The following FARP1 variants were observed in gnomAD, a reference collection of about 807,000 sequenced individuals.
FARP1 encodes the protein FERM, ARH/RhoGEF and pleckstrin domain protein 1.
Under a neutral mutation model 128.8 loss-of-function variants are expected in FARP1, and 52 were observed. The observed-to-expected ratio is 0.40, with a 90% CI of 0.32 to 0.51. The LOEUF (loss-of-function observed/expected upper bound fraction) is 0.51, where lower values mean the gene tolerates loss of function less well. Among genes scored for constraint, FARP1 ranks in the 20% least tolerant of loss-of-function variants. The pLI is 0.45. For missense variants in FARP1, 1,333 were observed against 1,367.9 expected (o/e 0.97, Z 0.40); for synonymous variants, 580 against 551.8 (o/e 1.05, Z -0.72).
intron 1 of FARP1, among the ~76,000 whole-genome samples, chr13:98,172,628 T>C (rs868406183): frequency 2.6e-5 from 4 of 152,198 alleles, no homozygotes; most frequent in African/African-American, 7.2e-5. Context: ...GCAAGTGTTA[T>C]AGTTTTCATA....
At chr13:98,191,173 G>A (rs1258030094) in intron 1 of FARP1, among the ~76,000 whole-genome samples, 1 of 152,126 alleles carries the variant, frequency 6.6e-6, no homozygotes, top group Non-Finnish European at 1.5e-5. Context: ...TCATAATGGT[G>A]CCTGTTTTTC....
chr13:98,213,159 A>G (rs2139325778), intron 1 of FARP1, 61 bp from the exon 2 acceptor site: 1 of 1,421,662 alleles, frequency 7.0e-7, no homozygotes. Flanking sequence ...TCAAGGTGGC[A>G]CACAGCTTGG....
chr13:98,283,017 G>A (rs560420463), intron 2 of FARP1, among the ~76,000 whole-genome samples: 1 of 152,286 alleles, frequency 6.6e-6, no homozygotes. Context: ...CTTAGAAGAT[G>A]CATTTTACTG....
At chr13:98,315,280 C>T (rs1268622662) in intron 2 of FARP1, among the ~76,000 whole-genome samples, 2 of 152,046 alleles carry the variant, frequency 1.3e-5, no homozygotes, top group Non-Finnish European at 2.9e-5. Flanking sequence ...AGCTGTTTAA[C>T]GTTTTTGCTG....
chr13:98,301,671 G>C (rs116472652), intron 2 of FARP1, among the ~76,000 whole-genome samples: 1 of 152,100 alleles, frequency 6.6e-6, no homozygotes, highest in African/African-American at 2.4e-5. Context: ...TGTTTTGATC[G>C]TATAAACCTT....
At chr13:98,244,857 G>T (rs935369471) in intron 2 of FARP1, 1 of 1,447,748 alleles carries the variant, frequency 6.9e-7, no homozygotes, top group Admixed American at 2.6e-5. Context: ...TGTGATCTCA[G>T]ATACGTGAAG....
chr13:98,308,033 C>CT (rs10536692), intron 2 of FARP1, among the ~76,000 whole-genome samples: 1,056 of 16,710 alleles, frequency 0.063, 24 homozygotes, highest in Non-Finnish European at 0.11. Flanking sequence ...CACTCTCTCT[C>CT]TTTTTTTTTT....
At chr13:98,324,006 ATGTC>A (rs1324716494) in intron 2 of FARP1, among the ~76,000 whole-genome samples, 4 of 152,238 alleles carry the variant, frequency 2.6e-5, no homozygotes. Context: ...AACTTGAACT[ATGTC>A]TGAGGAGTTG....
chr13:98,183,627 A>G (rs1878672548), intron 1 of FARP1, among the ~76,000 whole-genome samples: 1 of 152,156 alleles, frequency 6.6e-6, no homozygotes, highest in African/African-American at 2.4e-5. Context: ...TTATTTTTAC[A>G]AACGCACCTT....
intron 2 of FARP1, among the ~76,000 whole-genome samples, chr13:98,224,871 C>T (rs1881668293): frequency 6.6e-6 from 1 of 152,202 alleles, no homozygotes. Context: ...CTCTCTTCCT[C>T]TGCCTTGGCT....
rs34010258 is a variant in FARP1 at position 98,278,992 on chromosome 13, A to ATTTTTTT, written c.172-64760_172-64754dup. ...AGGCACCTGCCACCACGCCCTGCTA[A>ATTTTTTT]TTTTTTTTTTTTTTTTGTATTTTTA... On this transcript the variant is annotated intron_variant, in intron 2 of 26. Transcript: ENST00000319562. Among the ~76,000 whole-genome samples, 167 of 137,742 alleles carry ATTTTTTT rather than the reference A, an allele frequency of 1.2e-3. 1 individual carries two copies. Among genetic ancestry groups the ATTTTTTT allele is most frequent in the African/African-American group, 4.5e-3 (163 of 36,086 alleles). 90.4% of individuals were successfully genotyped at this position (137,742 alleles called of 152,430 possible).
intron 2 of FARP1, among the ~76,000 whole-genome samples, chr13:98,230,635 G>T (rs889461778): frequency 7.3e-6 from 1 of 137,324 alleles, no homozygotes; most frequent in Non-Finnish European, 1.5e-5. Context: ...TCTTTTTTCT[G>T]CTTTTTTTTA....
At chr13:98,290,743 C>T (rs1253341278) in intron 2 of FARP1, among the ~76,000 whole-genome samples, 1 of 152,004 alleles carries the variant, frequency 6.6e-6, no homozygotes, top group African/African-American at 2.4e-5. Context: ...GTTCCAGCTA[C>T]ATTTTGACAG....
At chr13:98,308,517 T>C (rs570122070) in intron 2 of FARP1, among the ~76,000 whole-genome samples, 3 of 152,320 alleles carry the variant, frequency 2.0e-5, no homozygotes, top group East Asian at 3.9e-4. Context: ...ACGAGCCACA[T>C]GCACTGGACG....
At chr13:98,305,022 A>AAG (rs149483166) in intron 2 of FARP1, among the ~76,000 whole-genome samples, 17 of 150,138 alleles carry the variant, frequency 1.1e-4, no homozygotes, top group East Asian at 7.8e-4. Flanking sequence ...TGCTTTTAGC[A>AAG]AGAGAGAGAG....
chr13:98,232,676 T>A (rs1192275050), intron 2 of FARP1, among the ~76,000 whole-genome samples: 3 of 152,236 alleles, frequency 2.0e-5, no homozygotes, highest in African/African-American at 7.2e-5. Flanking sequence ...ACATTTTTTT[T>A]ATGCACTGGG....
chr13:98,420,323 G>C (rs187564692), intron 16 of FARP1, among the ~76,000 whole-genome samples: 2 of 152,124 alleles, frequency 1.3e-5, no homozygotes, highest in African/African-American at 4.8e-5. Flanking sequence ...CTCCTCTTAG[G>C]GGGGTGATGG....
chr13:98,407,997 T>C (rs116840603), intron 13 of FARP1, among the ~76,000 whole-genome samples: 1,688 of 152,296 alleles, frequency 0.011, 35 homozygotes, highest in African/African-American at 0.038. Flanking sequence ...ACCTTTTCCC[T>C]TAGAGATCTT....
intron 2 of FARP1, among the ~76,000 whole-genome samples, chr13:98,252,231 A>T (rs775093486): frequency 2.6e-4 from 39 of 152,310 alleles, no homozygotes; most frequent in Admixed American, 5.9e-4. Context: ...TTATTATCAG[A>T]TGAATTTTTC....
Sources: allele counts gnomAD v4.1 joint callset (sites outside exome capture counted in the v4.1 genomes callset), GRCh38; gene constraint gnomAD v4.1.1; transcripts MANE v1.5; gene names NCBI Gene and HGNC (gene_info 2026-07-23, HGNC 2026-07-21).